SPG7: variants seen among roughly 807,000 people sequenced by gnomAD.
SPG7 encodes mitochondrial inner membrane m-AAA protease component paraplegin.
SPG7 carries 103 observed loss-of-function variants against 81.9 expected under a neutral mutation model. That is an observed-to-expected ratio of 1.26 (90% CI 1.07 to 1.48). The LOEUF (loss-of-function observed/expected upper bound fraction) is 1.48. Ranked by LOEUF, SPG7 falls within the 40% of genes most tolerant of loss-of-function variation. SPG7 has a pLI of 0.00. For synonymous variants in SPG7, 534 were observed against 444.2 expected (o/e 1.20, Z -2.54); for missense variants, 1,241 against 1,087.3 (o/e 1.14, Z -1.99).
In SPG7 at chr16:89,548,830, G is replaced by T. The variant is rs1290814243; in HGVS notation, c.1663+717G>T. 2.8e-4 allele frequency: 118 copies of T among 422,116 alleles called. 1 individual carries two copies. Among genetic ancestry groups the T allele is most frequent in the Non-Finnish European group, 1.6e-4 (33 of 206,852 alleles). The allele number at this position is 422,116 out of a possible 1,614,324, so 26.1% of individuals were successfully genotyped here. A position where few individuals can be genotyped will look rare whatever the true frequency, so the allele number is the denominator to read the frequency against. On this transcript the variant is annotated intron_variant, in intron 12 of 16. Coordinates refer to ENST00000645818, the MANE Select transcript of SPG7 (RefSeq NM_003119.4). Reference sequence around the variant, plus strand: ...AATGGAGTTCAGACCCGCACTGTCAGTGTGAGACAGGTTGAACGTTTGAAA... The same window carrying T: ...AATGGAGTTCAGACCCGCACTGTCATTGTGAGACAGGTTGAACGTTTGAAA...
At chr16:89,551,948 A>G (rs1475955911) in intron 13 of SPG7, 6 of 152,364 alleles carry the variant, frequency 3.9e-5, no homozygotes, top group Admixed American at 2.0e-4. Context: ...GATAGTCACA[A>G]TGAAAAAGTG....
intron 9 of SPG7, among the ~76,000 whole-genome samples, chr16:89,535,756 G>C (rs970248258): frequency 6.6e-6 from 1 of 152,222 alleles, no homozygotes; most frequent in Non-Finnish European, 1.5e-5. Flanking sequence ...ATCACCATGC[G>C]TTTTAGAGGC....
At chr16:89,552,646 T>TA in intron 13 of SPG7, 1 of 372,200 alleles carries the variant, frequency 2.7e-6, no homozygotes, top group Admixed American at 3.8e-5. Context: ...GTCGCTGGTG[T>TA]GAGGGGTCAG....
intron 6 of SPG7, chr16:89,530,369 C>G: frequency 2.4e-6 from 1 of 410,614 alleles, no homozygotes. Flanking sequence ...TGGTCTCGAT[C>G]TCTTGACCTC....
chr16:89,546,642 C>T lies in SPG7; in HGVS notation c.1450-16C>T, dbSNP rs376654147. On this transcript the variant is annotated splice_polypyrimidine_tract_variant and intron_variant, in intron 10 of 16. Coordinates refer to ENST00000645818, the MANE Select transcript of SPG7 (RefSeq NM_003119.4). Reference sequence around the variant, plus strand: ...AGGCTTGAGCCCGACTGTCTTTCCTCCCCTGGTTCTGGCAGGAGAGGCGGG... The same window carrying T: ...AGGCTTGAGCCCGACTGTCTTTCCTTCCCTGGTTCTGGCAGGAGAGGCGGG... 36 of 1,587,754 alleles carry T rather than the reference C, an allele frequency of 2.3e-5. No homozygotes were observed. The African/African-American group carries it at 4.7e-4, about 21-fold the overall frequency.
intron 2 of SPG7, 28 bp downstream of exon 2, chr16:89,510,620 A>T (rs2058006653): frequency 7.4e-7 from 1 of 1,353,452 alleles, no homozygotes; most frequent in Non-Finnish European, 1.1e-6. Flanking sequence ...GAAGCAGCTG[A>T]GCATGACTGC....
At chr16:89,550,393 G>A (rs182190013) in intron 12 of SPG7, 101 bp from the exon 13 acceptor site, 590 of 821,834 alleles carry the variant, frequency 7.2e-4, no homozygotes, top group Admixed American at 2.1e-3. Flanking sequence ...GGCTGGTCTC[G>A]AACTCCTGTC....
chr16:89,531,363 AT>A, intron 7 of SPG7: 1 of 185,756 alleles, frequency 5.4e-6, no homozygotes, highest in Non-Finnish European at 1.1e-5. Context: ...TCTGCAAAAC[AT>A]TTTTTTATTT....
intron 3 of SPG7, chr16:89,523,407 T>A (rs1029901842): frequency 1.2e-5 from 4 of 321,560 alleles, no homozygotes; most frequent in Non-Finnish European, 2.4e-5. Flanking sequence ...AAGGTATTAT[T>A]TCTTGAGGCA....
Position 89,554,742 on chromosome 16 carries a change from CTCG to C in SPG7, c.2181+182_2181+184del, listed in dbSNP as rs1246449188. 29 of 619,132 alleles carry C rather than the reference CTCG, an allele frequency of 4.7e-5. No homozygotes were observed. In the East Asian group the frequency reaches 8.0e-4, roughly 17 times the overall value. 38.4% of individuals were successfully genotyped at this position (619,132 alleles called of 1,614,324 possible). Reference sequence around the variant, plus strand: ...CGTGTTCCATACTTTTTATCCTGAACTCGTCAAGTGTGTTCCCCCGAGGTAGAA... The same window carrying C: ...CGTGTTCCATACTTTTTATCCTGAACTCAAGTGTGTTCCCCCGAGGTAGAA... On this transcript the variant is annotated intron_variant, in intron 16 of 16. Transcript: ENST00000645818.
At position 89,557,389 on chromosome 16, in the gene SPG7, G is replaced by C. The variant is rs2058698393; in HGVS notation, c.*296G>C. The C allele has an allele frequency of 4.6e-6, 2 of 437,956 alleles. No homozygotes were observed. The highest frequency in any genetic ancestry group is 2.3e-5 in the South Asian group (1 of 43,754). 27.1% of individuals were successfully genotyped at this position (437,956 alleles called of 1,614,324 possible). A position where few individuals can be genotyped will look rare whatever the true frequency, so the allele number is the denominator to read the frequency against. On this transcript the variant is annotated 3_prime_UTR_variant, in exon 17 of 17. Coordinates refer to ENST00000645818, the MANE Select transcript of SPG7 (RefSeq NM_003119.4). Reference sequence around the variant, plus strand: ...CCAGGGTTATAGACAGTCGTTCCCAGTGTGGCTGAGGCCACCCAGAGGCAG... The same window carrying C: ...CCAGGGTTATAGACAGTCGTTCCCACTGTGGCTGAGGCCACCCAGAGGCAG...
intron 9 of SPG7, chr16:89,537,231 C>A: frequency 7.0e-7 from 1 of 1,421,116 alleles, no homozygotes; most frequent in Non-Finnish European, 9.2e-7. Context: ...GAGAAAAGCC[C>A]AAGCCTTGTT....
chr16:89,517,616 C>CTTTTTTTTTTTTTTTTTTTTTTT (rs11318359), intron 3 of SPG7: 1 of 130,314 alleles, frequency 7.7e-6, no homozygotes, highest in Non-Finnish European at 1.6e-5. Context: ...TTGTCGTCGT[C>CTTTTTTTTTTTTTTTTTTTTTTT]TTTTTTTTTT....
At chr16:89,509,529 C>T (rs1178334028) in intron 1 of SPG7, among the ~76,000 whole-genome samples, 1 of 151,818 alleles carries the variant, frequency 6.6e-6, no homozygotes, top group Non-Finnish European at 1.5e-5. Context: ...GATTACAGGG[C>T]GTGAGCCACC....
chr16:89,556,825 A>G (rs1311165002), intron 16 of SPG7, 62 bp from the exon 17 acceptor site: 1 of 1,338,718 alleles, frequency 7.5e-7, no homozygotes. Flanking sequence ...CCACCTCCCC[A>G]GGACATAGAG....
Position 89,508,863 on chromosome 16 carries a change from G to T in SPG7, c.183+263G>T, listed in dbSNP as rs1052096064. The T allele has an allele frequency of 4.6e-6, 3 of 658,530 alleles. No individual in the cohort carries two copies. The African/African-American group carries it at 5.4e-5, about 12-fold the overall frequency. The allele number at this position is 658,530 out of a possible 1,614,324, so 40.8% of individuals were successfully genotyped here. A position where few individuals can be genotyped will look rare whatever the true frequency, so the allele number is the denominator to read the frequency against. ...TTTCCCAACCCGTCTGTTGTGTGTG[G>T]ATGTTCTCCGCCCGTCTTCCTCGCC... On this transcript the variant is annotated intron_variant, in intron 1 of 16. Transcript: ENST00000645818.
At position 89,509,477 on chromosome 16, in the gene SPG7, T is replaced by C. The variant is rs1383941376; in HGVS notation, c.183+877T>C. On this transcript the variant is annotated intron_variant, in intron 1 of 16. Transcript: ENST00000645818. ...TGTTGGCCAGGATGGTCTCCATCTC[T>C]TGACCTTGTGATCCGCCTGCCTCGG... Among the ~76,000 whole-genome samples, 37 of 152,164 alleles carry C rather than the reference T, an allele frequency of 2.4e-4. 1 individual carries two copies. Among genetic ancestry groups the C allele is most frequent in the African/African-American group, 8.9e-4 (37 of 41,434 alleles).
chr16:89,540,844 C>G, intron 9 of SPG7: 1 of 950,942 alleles, frequency 1.1e-6, no homozygotes, highest in Non-Finnish European at 1.3e-6. Context: ...CACGAAATGC[C>G]TGGGCGCCGA....
intron 2 of SPG7, among the ~76,000 whole-genome samples, chr16:89,510,812 G>A (rs1035237030): frequency 6.6e-6 from 1 of 152,112 alleles, no homozygotes; most frequent in African/African-American, 2.4e-5. Context: ...CTACAGGCGT[G>A]TACCGTCACA....
Sources: gnomAD v4.1 joint callset for allele counts (sites outside exome capture counted in the v4.1 genomes callset) on GRCh38, gnomAD v4.1.1 for gene constraint, MANE v1.5 for transcripts, NCBI Gene and HGNC (gene_info 2026-07-23, HGNC 2026-07-21) for gene names.